The following FGD6 variants were observed in gnomAD, a reference collection of about 807,000 sequenced individuals.
The protein encoded by FGD6 is FYVE, RhoGEF and PH domain containing 6.
In FGD6, 90 loss-of-function variants were observed where a neutral mutation model predicts 149.4. The observed-to-expected ratio is 0.60, with a 90% confidence interval of 0.51 to 0.72. The LOEUF is 0.72. Ranked by LOEUF, FGD6 falls within the 30% of genes least tolerant of loss-of-function variation. FGD6 has a pLI of 0.00. For missense variants in FGD6, 1,437 were observed against 1,684.8 expected, an observed-to-expected ratio of 0.85 and a Z score of 2.57; for synonymous variants, 527 against 584.0, an observed-to-expected ratio of 0.90 and a Z score of 1.41.
At chr12:95,184,513 C>G (rs1438694148) in intron 2 of FGD6, among the ~76,000 whole-genome samples, 1 of 151,908 alleles carries the variant, frequency 6.6e-6, no homozygotes, top group Non-Finnish European at 1.5e-5. Context: ...GAACCCACAT[C>G]TTTCTGAGAC....
chr12:95,126,851 C>T (rs1240471500), intron 8 of FGD6, among the ~76,000 whole-genome samples: 1 of 152,072 alleles, frequency 6.6e-6, no homozygotes, highest in Non-Finnish European at 1.5e-5. Flanking sequence ...TTGCTTGAAC[C>T]CAGGAGTCGG....
Position 95,209,971 on chromosome 12 carries a change from A to T in FGD6, c.1313T>A (p.Leu438His). 1 of 1,612,420 alleles carries T rather than the reference A, an allele frequency of 6.2e-7. No homozygotes were observed. Residue 438 changes from leucine (L) to histidine (H), a missense_variant, in exon 2 of 21, where the codon CTT becomes CAT. Leu to His is a moderately conservative substitution (Grantham distance 99). Coordinates refer to ENST00000343958, the MANE Select transcript of FGD6 (RefSeq NM_018351.4). ...AAAACCGGTCCCTTCGTCCACAGCA[A>T]GCGACATACTAGAACCATCTACAGT... ...STTVDGSSMSLAVDEGTGFIR... is the reference protein window; with the variant it reads ...STTVDGSSMSHAVDEGTGFIR...
rs1466213240 is a variant in FGD6 at position 95,123,620 on chromosome 12, G to A, written c.3083-9919C>T. 2.7e-5 allele frequency among the ~76,000 whole-genome samples: 4 copies of A among 150,508 alleles called. No individual in the cohort carries two copies. The East Asian group carries it at 7.9e-4, about 30-fold the overall frequency. On this transcript the variant is annotated intron_variant, in intron 8 of 20. Coordinates refer to ENST00000343958, the MANE Select transcript of FGD6 (RefSeq NM_018351.4). ...TCTATCCCCCAGGCTGGACTACAGTGGCGCTATCTCTGCTTACTGCAAGCT... is the reference window on the plus strand; with the variant it reads ...TCTATCCCCCAGGCTGGACTACAGTAGCGCTATCTCTGCTTACTGCAAGCT...
Position 95,086,535 on chromosome 12 carries a change from TC to T in FGD6, c.3979-628del, listed in dbSNP as rs371323911. ...AGCTTTTACTGATTGATTTTTTTTTTCTTTTTTTTTTTTTTTTTTTTTGAGA... is the reference window on the plus strand; with the variant it reads ...AGCTTTTACTGATTGATTTTTTTTTTTTTTTTTTTTTTTTTTTTTTTGAGA... On this transcript the variant is annotated intron_variant, in intron 18 of 20. Transcript: ENST00000343958. Among the ~76,000 whole-genome samples, 51 of 147,392 alleles carry T rather than the reference TC, an allele frequency of 3.5e-4. 1 individual carries two copies. Among genetic ancestry groups the T allele is most frequent in the African/African-American group, 1.0e-3 (41 of 39,100 alleles).
At chr12:95,146,936 G>A (rs574822378) in intron 5 of FGD6, among the ~76,000 whole-genome samples, 2 of 152,170 alleles carry the variant, frequency 1.3e-5, no homozygotes, top group South Asian at 2.1e-4. Flanking sequence ...CAAAACAGAT[G>A]GCCTTGTTCA....
At chr12:95,161,673 A>G (rs2136277900) in intron 3 of FGD6, among the ~76,000 whole-genome samples, 2 of 152,200 alleles carry the variant, frequency 1.3e-5, no homozygotes, top group South Asian at 4.1e-4. Context: ...AATGTCACTG[A>G]GCACAGAATT....
At chr12:95,117,615 C>T (rs1031050375) in intron 8 of FGD6, among the ~76,000 whole-genome samples, 12 of 152,134 alleles carry the variant, frequency 7.9e-5, no homozygotes, top group Admixed American at 2.0e-4. Context: ...TTTGTAGAGA[C>T]GATGTCTCAC....
chr12:95,212,947 T>C (rs770279916), intron 1 of FGD6, among the ~76,000 whole-genome samples: 9 of 152,248 alleles, frequency 5.9e-5, no homozygotes, highest in Non-Finnish European at 1.0e-4. Context: ...TTTCTAGGTA[T>C]AATGTCATCA....
chr12:95,081,763 C>A (rs530990508), intron 20 of FGD6, among the ~76,000 whole-genome samples: 1 of 151,274 alleles, frequency 6.6e-6, no homozygotes, highest in East Asian at 1.9e-4. Flanking sequence ...CGGCTCACCA[C>A]AATCTCTGCT....
intron 3 of FGD6, among the ~76,000 whole-genome samples, chr12:95,156,478 G>A (rs563826876): frequency 1.0e-3 from 154 of 152,214 alleles, no homozygotes; most frequent in African/African-American, 3.3e-3. Context: ...TGGTCAGACC[G>A]GTTGTCTGCT....
At chr12:95,115,829 A>C (rs1250918782) in intron 8 of FGD6, among the ~76,000 whole-genome samples, 1 of 152,196 alleles carries the variant, frequency 6.6e-6, no homozygotes, top group Non-Finnish European at 1.5e-5. Flanking sequence ...CAATTGCTGA[A>C]ACTTCGTAAG....
At chr12:95,123,478 T>TCTCC (rs1879250402) in intron 8 of FGD6, among the ~76,000 whole-genome samples, 1 of 152,002 alleles carries the variant, frequency 6.6e-6, no homozygotes, top group African/African-American at 2.4e-5. Context: ...ATAGATGGTA[T>TCTCC]CTCCCCAGGT....
rs562514503 is a variant in FGD6 at position 95,172,046 on chromosome 12, G to GCGGT, written c.2586+553_2586+554insACCG. Among the ~76,000 whole-genome samples, 16 of 136,418 alleles carry GCGGT rather than the reference G, an allele frequency of 1.2e-4. 1 individual carries two copies. The highest frequency in any genetic ancestry group is 1.1e-3 in the Admixed American group (15 of 13,108). 89.5% of individuals were successfully genotyped at this position (136,418 alleles called of 152,430 possible). A position where few individuals can be genotyped will look rare whatever the true frequency, so the allele number is the denominator to read the frequency against. ...AGGGAACAATTCTAAGGGGGGGGGG[G>GCGGT]TTGTTATCAAAAAGCAAGCCATTGG... is the stretch of plus-strand genomic sequence containing the variant. On this transcript the variant is annotated intron_variant, in intron 3 of 20. Coordinates refer to ENST00000343958, the MANE Select transcript of FGD6 (RefSeq NM_018351.4).
rs1345519482 is a variant in FGD6 at position 95,080,679 on chromosome 12, T to C, written c.*841A>G. ...CATTGACTTGGGCTCAGAACTCTTA[T>C]AATAGCAGGGAATATTATGTGACAT... On this transcript the variant is annotated 3_prime_UTR_variant, in exon 21 of 21. Transcript: ENST00000343958. 1 of 152,228 alleles carries C rather than the reference T, an allele frequency of 6.6e-6. No homozygotes were observed. The highest frequency in any genetic ancestry group is 1.5e-5 in the Non-Finnish European group (1 of 68,032). 9.4% of individuals were successfully genotyped at this position (152,228 alleles called of 1,614,324 possible).
chr12:95,209,585 A>C lies in FGD6; in HGVS notation c.1699T>G (p.Trp567Gly), dbSNP rs1161777836. Residue 567 changes from tryptophan to glycine, a missense_variant, in exon 2 of 21, where the codon TGG becomes GGG. Around this residue, in one of 2 missense-constraint regions of FGD6, gnomAD observed 1,055 missense variants for 1,146.0 expected, o/e 0.92. Transcript: ENST00000343958. ...MPKRASEKPV[W>G]KLPHPILPFS... is the part of the protein sequence containing the mutation. ...GGTAAAATAGGATGAGGTAACTTCC[A>C]CACTGGCTTTTCTGAAGCCCGTTTA... The C allele has an allele frequency of 1.9e-6, 3 of 1,614,004 alleles. No homozygotes were observed. Among genetic ancestry groups the C allele is most frequent in the Non-Finnish European group, 2.5e-6 (3 of 1,180,014 alleles).
intron 7 of FGD6, among the ~76,000 whole-genome samples, chr12:95,135,418 T>C (rs901566835): frequency 5.9e-5 from 9 of 152,338 alleles, no homozygotes; most frequent in Admixed American, 3.3e-4. Flanking sequence ...TATAAAAAGA[T>C]AGCCCCCAAA....
chr12:95,091,773 A>C lies in FGD6; in HGVS notation c.3784T>G (p.Leu1262Val). 6.2e-7 allele frequency: 1 copy of C among 1,613,512 alleles called. No individual in the cohort carries two copies. Among genetic ancestry groups the C allele is most frequent in the Non-Finnish European group, 8.5e-7 (1 of 1,179,846 alleles). ...CQACSSNKYG[L>V]DYLKNQPARV... ...GCTGGTTGATTTTTCAGGTAATCTAAGCCATACTTATTAGACGAACAAGCT... is the reference window on the plus strand; with the variant it reads ...GCTGGTTGATTTTTCAGGTAATCTACGCCATACTTATTAGACGAACAAGCT... Residue 1262 changes from leucine to valine, a missense_variant, in exon 17 of 21, where the codon TTA (leucine) becomes GTA (valine). Leu to Val is a conservative substitution (Grantham distance 32). Coordinates refer to ENST00000343958, the MANE Select transcript of FGD6 (RefSeq NM_018351.4).
intron 8 of FGD6, among the ~76,000 whole-genome samples, chr12:95,125,601 A>G (rs188502556): frequency 2.0e-4 from 31 of 152,278 alleles, no homozygotes; most frequent in South Asian, 1.9e-3. Flanking sequence ...CTGCCACCAC[A>G]CTCTAACCTG....
In FGD6 at chr12:95,084,141, G is replaced by C. The variant is rs138408854; in HGVS notation, c.4256+357C>G. On this transcript the variant is annotated intron_variant, in intron 20 of 20. Coordinates refer to ENST00000343958, the MANE Select transcript of FGD6 (RefSeq NM_018351.4). ...TGAATCGCTGGATTGCCAAAGTCCT[G>C]GAATGTTTCAAGGGAAGATTCTTAC... is the stretch of plus-strand genomic sequence containing the variant. Among the ~76,000 whole-genome samples the C allele has an allele frequency of 9.9e-4, 151 of 152,264 alleles. 5 individuals carry two copies. In the East Asian group the frequency reaches 0.024, roughly 25 times the overall value.
Sources: gnomAD v4.1 joint callset for allele counts (sites outside exome capture counted in the v4.1 genomes callset) on GRCh38, gnomAD v4.1.1 for gene constraint, gnomAD v4.1.1 regional missense constraint, MANE v1.5 for transcripts, NCBI Gene and HGNC (gene_info 2026-07-23, HGNC 2026-07-21) for gene names.